Variants in DAB1 observed in about 807,000 individuals in gnomAD.
The protein encoded by DAB1 is disabled homolog 1.
In DAB1, 15 loss-of-function variants were observed where a neutral mutation model predicts 64.6. The ratio of observed to expected loss-of-function variants is 0.23; its 90% CI spans 0.16 to 0.36. The LOEUF (loss-of-function observed/expected upper bound fraction) is 0.36. DAB1 is among the 10% of genes least tolerant of loss of function. DAB1 has a pLI of 1.00. For missense variants in DAB1, 596 were observed against 706.7 expected (o/e 0.84, Z 1.78); for synonymous variants, 235 against 251.9 (o/e 0.93, Z 0.64).
intron 4 of DAB1, among the ~76,000 whole-genome samples, chr1:58,160,201 G>A (rs1051698247): frequency 1.3e-5 from 2 of 152,096 alleles, no homozygotes; most frequent in South Asian, 2.1e-4. Context: ...GGGGTAAGGA[G>A]GGGTGGTAAG....
At chr1:57,064,117 G>A (rs17114917) in intron 8 of DAB1, among the ~76,000 whole-genome samples, 39,525 of 152,142 alleles carry the variant, frequency 0.26, 5,571 homozygotes, top group Middle Eastern at 0.34. Context: ...AGTATCTTTT[G>A]GGCTTGAGCT....
chr1:58,011,175 C>T lies in DAB1; in HGVS notation n.388-127013G>A, dbSNP rs555756356. Among the ~76,000 whole-genome samples the T allele has an allele frequency of 2.6e-4, 40 of 152,188 alleles. No homozygotes were observed. The Middle Eastern group carries it at 0.01, about 39-fold the overall frequency. ...GTATGGGTCTACTTTCCTAGCCCCT[C>T]AGGGGCTAGGAAAAGGAATGTAATG... On this transcript the variant is annotated intron_variant and non_coding_transcript_variant, in intron 5 of 20. Coordinates refer to the DAB1 transcript ENST00000485760.
At chr1:57,419,203 T>C (rs1684715993) in intron 1 of DAB1, among the ~76,000 whole-genome samples, 1 of 152,138 alleles carries the variant, frequency 6.6e-6, no homozygotes, top group Non-Finnish European at 1.5e-5. Context: ...TCTATCCTGG[T>C]ATAGGAGACA....
At chr1:58,267,678 A>G (rs1315263298) in intron 4 of DAB1, among the ~76,000 whole-genome samples, 2 of 152,220 alleles carry the variant, frequency 1.3e-5, no homozygotes, top group African/African-American at 2.4e-5. Context: ...CTGAGCGAAC[A>G]TCAGTATATG....
chr1:58,049,399 T>C (rs1647474518), intron 5 of DAB1: 1 of 486,892 alleles, frequency 2.1e-6, no homozygotes, highest in African/African-American at 1.9e-5. Flanking sequence ...TTGCACTTCT[T>C]TCCGATAATA....
At chr1:58,494,510 A>G (rs1645759213) in intron 3 of DAB1, among the ~76,000 whole-genome samples, 1 of 152,228 alleles carries the variant, frequency 6.6e-6, no homozygotes, top group South Asian at 2.1e-4. Context: ...AATTTTTGCA[A>G]TCTACTCAAC....
chr1:58,076,324 C>T (rs950740505), intron 5 of DAB1, among the ~76,000 whole-genome samples: 3 of 152,122 alleles, frequency 2.0e-5, no homozygotes, highest in African/African-American at 7.2e-5. Flanking sequence ...AGCAGGAGAT[C>T]AGAGATGTGC....
chr1:57,102,658 T>C (rs959966993), intron 4 of DAB1, among the ~76,000 whole-genome samples: 5 of 152,222 alleles, frequency 3.3e-5, no homozygotes, highest in Non-Finnish European at 7.3e-5. Context: ...TCTCTTTTCA[T>C]TGTTTTTCTT....
chr1:57,717,851 G>C (rs1003567180), intron 6 of DAB1, among the ~76,000 whole-genome samples: 2 of 152,092 alleles, frequency 1.3e-5, no homozygotes, highest in African/African-American at 4.8e-5. Flanking sequence ...GTTAGGTTAT[G>C]AGTTGGGAAA....
chr1:58,539,456 A>T, intron 1 of DAB1: 1 of 585,382 alleles, frequency 1.7e-6, no homozygotes, highest in Non-Finnish European at 3.0e-6. Flanking sequence ...TCACCCCTAG[A>T]GCAACGCCTT....
intron 7 of DAB1, among the ~76,000 whole-genome samples, chr1:57,515,668 T>A (rs1021749443): frequency 6.6e-6 from 1 of 152,216 alleles, no homozygotes; most frequent in African/African-American, 2.4e-5. Context: ...GCCTGATGGA[T>A]GTCTAAAAGG....
At chr1:58,097,849 A>C (rs1651081386) in intron 5 of DAB1, among the ~76,000 whole-genome samples, 1 of 152,054 alleles carries the variant, frequency 6.6e-6, no homozygotes, top group African/African-American at 2.4e-5. Context: ...GAAAATAGAA[A>C]AACAGCTTGA....
intron 5 of DAB1, among the ~76,000 whole-genome samples, chr1:58,077,495 G>A (rs1649727894): frequency 6.6e-6 from 1 of 152,206 alleles, no homozygotes; most frequent in African/African-American, 2.4e-5. Flanking sequence ...GACAACAATG[G>A]ATAGGAAGAG....
intron 7 of DAB1, chr1:57,070,804 A>C (rs1651377990): frequency 3.5e-6 from 2 of 572,344 alleles, no homozygotes; most frequent in Non-Finnish European, 3.2e-6. Flanking sequence ...AGAAGGGAGA[A>C]GCGGATCTCC....
At chr1:58,068,737 G>A (rs1649024891) in intron 5 of DAB1, among the ~76,000 whole-genome samples, 1 of 141,140 alleles carries the variant, frequency 7.1e-6, no homozygotes, top group Admixed American at 7.6e-5. Flanking sequence ...CTGCACTCCA[G>A]CCTGGGCAAC....
At chr1:58,074,513 A>AATATATATACATATAT (rs1649470088) in intron 5 of DAB1, 1 of 116,232 alleles carries the variant, frequency 8.6e-6, no homozygotes, top group Non-Finnish European at 1.9e-5. Flanking sequence ...GGAAGATTCT[A>AATATATATACATATAT]ATATATATAC....
intron 2 of DAB1, among the ~76,000 whole-genome samples, chr1:57,191,628 C>T (rs155297): frequency 0.21 from 31,264 of 152,108 alleles, 5,310 homozygotes; most frequent in African/African-American, 0.45. Context: ...GGGCTGTACT[C>T]AAAGTTCTGT....
At chr1:58,354,635 C>T (rs1644091778) in intron 3 of DAB1, among the ~76,000 whole-genome samples, 1 of 152,036 alleles carries the variant, frequency 6.6e-6, no homozygotes, top group South Asian at 2.1e-4. Flanking sequence ...ATTCAGCCTG[C>T]ATTTATAATC....
chr1:57,809,136 C>T (rs561393245), intron 6 of DAB1, among the ~76,000 whole-genome samples: 3 of 152,106 alleles, frequency 2.0e-5, no homozygotes, highest in African/African-American at 7.2e-5. Flanking sequence ...AGATACATGA[C>T]CATTTGCATA....
Sources: gnomAD v4.1 joint callset for allele counts (sites outside exome capture counted in the v4.1 genomes callset) on GRCh38, gnomAD v4.1.1 for gene constraint, MANE v1.5 for transcripts, NCBI Gene and HGNC (gene_info 2026-07-23, HGNC 2026-07-21) for gene names.